Variants in TAFA4 observed in about 807,000 individuals in gnomAD.
TAFA4 encodes TAFA chemokine like family member 4, also known as chemokine-like protein TAFA-4.
Under a neutral mutation model 21.1 loss-of-function variants are expected in TAFA4, and 20 were observed. That is an observed-to-expected ratio of 0.95 (90% CI 0.67 to 1.38). The LOEUF (loss-of-function observed/expected upper bound fraction) is 1.38, where lower values mean the gene tolerates loss of function less well. TAFA4 is among the 40% of genes most tolerant of loss of function. The probability of loss-of-function intolerance (pLI) is 0.00; values close to 1 mark genes in which losing one functional copy is unlikely to be tolerated. For synonymous variants in TAFA4, 71 were observed against 67.4 expected (o/e 1.05, Z -0.26); for missense variants, 211 against 180.9 (o/e 1.17, Z -0.95).
At chr3:68,843,048 G>C (rs932588968) in intron 3 of TAFA4, among the ~76,000 whole-genome samples, 1 of 152,156 alleles carries the variant, frequency 6.6e-6, no homozygotes, top group East Asian at 1.9e-4. Context: ...AAAATTTCAA[G>C]TACTTTTTTC....
chr3:68,885,130 C>G (rs2089657626), intron 2 of TAFA4, 45 bp downstream of exon 2: 4 of 1,600,294 alleles, frequency 2.5e-6, no homozygotes, highest in East Asian at 2.2e-5. Flanking sequence ...ATTCTCAATA[C>G]TTTGTAAAGA....
At chr3:68,876,006 A>C (rs935307729) in intron 3 of TAFA4, among the ~76,000 whole-genome samples, 1 of 152,184 alleles carries the variant, frequency 6.6e-6, no homozygotes, top group Non-Finnish European at 1.5e-5. Context: ...AATGTGCTCT[A>C]TGACTGACCC....
chr3:68,747,346 G>A (rs1478881945), intron 4 of TAFA4, among the ~76,000 whole-genome samples: 1 of 152,030 alleles, frequency 6.6e-6, no homozygotes, highest in East Asian at 1.9e-4. Flanking sequence ...ATGTTTCATG[G>A]GAGGACCTGG....
chr3:68,825,148 C>T (rs1704199514), intron 3 of TAFA4, among the ~76,000 whole-genome samples: 1 of 152,044 alleles, frequency 6.6e-6, no homozygotes, highest in African/African-American at 2.4e-5. Flanking sequence ...CTCACAGGCC[C>T]CAGCATGTGA....
chr3:68,889,012 T>C (rs1559554678), intron 1 of TAFA4, among the ~76,000 whole-genome samples: 1 of 152,230 alleles, frequency 6.6e-6, no homozygotes, highest in Non-Finnish European at 1.5e-5. Flanking sequence ...AGCATTTACT[T>C]GCAATCATTT....
chr3:68,742,498 G>A (rs1702376821), intron 4 of TAFA4, among the ~76,000 whole-genome samples: 1 of 151,998 alleles, frequency 6.6e-6, no homozygotes, highest in Non-Finnish European at 1.5e-5. Flanking sequence ...TTTTATTGAG[G>A]GCCAGGCACC....
intron 5 of TAFA4, among the ~76,000 whole-genome samples, chr3:68,734,309 C>G (rs567042034): frequency 1.3e-5 from 2 of 152,206 alleles, no homozygotes; most frequent in African/African-American, 4.8e-5. Context: ...CTGTAAGCCA[C>G]AGTTTGCTGA....
chr3:68,789,945 AGGGAAACCACATCAGT>A (rs1303105753), intron 3 of TAFA4, among the ~76,000 whole-genome samples: 1 of 152,264 alleles, frequency 6.6e-6, no homozygotes, highest in Non-Finnish European at 1.5e-5. Context: ...TTCAGGCTGA[AGGGAAACCACATCAGT>A]GGGAAACTTG....
intron 1 of TAFA4, among the ~76,000 whole-genome samples, chr3:68,905,112 T>C (rs188130174): frequency 6.6e-6 from 1 of 150,504 alleles, no homozygotes; most frequent in East Asian, 2.0e-4. Context: ...CTCCAGACAC[T>C]GGGACAGCAC....
At chr3:68,769,042 C>T (rs796932107) in intron 3 of TAFA4, among the ~76,000 whole-genome samples, 34 of 152,288 alleles carry the variant, frequency 2.2e-4, no homozygotes, top group African/African-American at 5.8e-4. Flanking sequence ...CAACCTCCTC[C>T]GAGCCATAAA....
intron 3 of TAFA4, among the ~76,000 whole-genome samples, chr3:68,783,038 G>A (rs1415406873): frequency 6.6e-6 from 1 of 152,174 alleles, no homozygotes; most frequent in Admixed American, 6.5e-5. Flanking sequence ...ATATGACCAT[G>A]TCAGTAGATG....
rs530946133 is a variant in TAFA4, at chr3:68,925,743, A to G, written c.-123+6497T>C. On this transcript the variant is annotated intron_variant, in intron 1 of 5. Coordinates refer to ENST00000295569, the MANE Select transcript of TAFA4 (RefSeq NM_182522.5). ...ATATAGCTCTCTTCACTGATTTGTC[A>G]TCTTTCCTGGAATCACTCCAGAGCA... Among the ~76,000 whole-genome samples, 3 of 152,356 alleles carry G rather than the reference A, an allele frequency of 2.0e-5. No homozygotes were observed. In the South Asian group the frequency reaches 6.2e-4, roughly 32 times the overall value.
intron 3 of TAFA4, among the ~76,000 whole-genome samples, chr3:68,832,564 C>A (rs1704425031): frequency 6.6e-6 from 1 of 152,154 alleles, no homozygotes; most frequent in African/African-American, 2.4e-5. Context: ...AAGCTTCATC[C>A]CAGAGGGGCA....
At chr3:68,863,980 T>C (rs2089384240) in intron 3 of TAFA4, among the ~76,000 whole-genome samples, 2 of 152,036 alleles carry the variant, frequency 1.3e-5, no homozygotes, top group Non-Finnish European at 2.9e-5. Context: ...GTCCTAAATA[T>C]AAAGCCAAAA....
chr3:68,826,074 TTAAA>T, intron 3 of TAFA4, among the ~76,000 whole-genome samples: 1 of 152,224 alleles, frequency 6.6e-6, no homozygotes, highest in Middle Eastern at 3.4e-3. Context: ...TTGTTAAGCA[TTAAA>T]TAAAAATTAA....
At chr3:68,751,648 TG>T (rs1405235123) in intron 4 of TAFA4, among the ~76,000 whole-genome samples, 1 of 152,180 alleles carries the variant, frequency 6.6e-6, no homozygotes, top group Non-Finnish European at 1.5e-5. Flanking sequence ...CTTTGGAAAT[TG>T]AAAGGTTTTC....
intron 3 of TAFA4, among the ~76,000 whole-genome samples, chr3:68,830,888 T>C (rs1417981297): frequency 6.6e-6 from 1 of 152,224 alleles, no homozygotes; most frequent in African/African-American, 2.4e-5. Context: ...TGGGTGCATA[T>C]ATATTTAGGA....
intron 3 of TAFA4, among the ~76,000 whole-genome samples, chr3:68,796,796 C>T (rs1703460662): frequency 6.6e-6 from 1 of 152,032 alleles, no homozygotes; most frequent in Non-Finnish European, 1.5e-5. Context: ...GACAAGGAAT[C>T]AAACACCCCA....
Position 68,814,671 on chromosome 3 carries a change from AAC to A in TAFA4, c.131-61655_131-61654del, listed in dbSNP as rs1351566288. ...GCTCAATGAAATAAAAGAGGATACA[AAC>A]ACATGGAAGAACATTCCATGCTCAT... On this transcript the variant is annotated intron_variant, in intron 3 of 5. Transcript: ENST00000295569. Among the ~76,000 whole-genome samples the A allele has an allele frequency of 2.0e-5, 3 of 152,358 alleles. No homozygotes were observed. In the East Asian group the frequency reaches 5.8e-4, roughly 29 times the overall value.
Sources: gnomAD v4.1 joint callset for allele counts (sites outside exome capture counted in the v4.1 genomes callset) on GRCh38, gnomAD v4.1.1 for gene constraint, MANE v1.5 for transcripts, NCBI Gene and HGNC (gene_info 2026-07-23, HGNC 2026-07-21) for gene names.